CNOT6L: variants seen among roughly 807,000 people sequenced by gnomAD.
CNOT6L encodes the protein CCR4-NOT transcription complex subunit 6-like.
A neutral mutation model predicts 64.0 loss-of-function variants in CNOT6L; 7 were observed. The observed-to-expected ratio is 0.11, with a 90% CI of 0.06 to 0.21. The LOEUF (loss-of-function observed/expected upper bound fraction) is 0.21. CNOT6L is among the 10% of genes least tolerant of loss of function. The pLI is 1.00. For missense variants in CNOT6L, 245 were observed against 669.0 expected, an observed-to-expected ratio of 0.37 and a Z score of 6.99; for synonymous variants, 193 against 243.4, an observed-to-expected ratio of 0.79 and a Z score of 1.93.
rs1721091381 is a variant in CNOT6L, at chr4:77,719,746, A to G, written c.*685T>C. 1.3e-5 allele frequency: 2 copies of G among 152,654 alleles called. No individual in the cohort carries two copies. Among genetic ancestry groups the G allele is most frequent in the South Asian group, 4.1e-4 (2 of 4,836 alleles). 9.5% of individuals were successfully genotyped at this position (152,654 alleles called of 1,614,324 possible). A position where few individuals can be genotyped will look rare whatever the true frequency, so the allele number is the denominator to read the frequency against. ...ATACTTCCAATAAGGTTATATATAA[A>G]GGACAAAAAAACCAAAGTGATTCCT... On this transcript the variant is annotated 3_prime_UTR_variant, in exon 12 of 12. Transcript: ENST00000504123.
At chr4:77,728,376 G>A (rs946768456) in intron 10 of CNOT6L, among the ~76,000 whole-genome samples, 2 of 152,162 alleles carry the variant, frequency 1.3e-5, no homozygotes, top group African/African-American at 2.4e-5. Flanking sequence ...CTAGCTTTTG[G>A]TTGGATTTGA....
intron 9 of CNOT6L, among the ~76,000 whole-genome samples, chr4:77,730,125 G>A (rs548254873): frequency 6.6e-6 from 1 of 152,060 alleles, no homozygotes; most frequent in South Asian, 2.1e-4. Context: ...AGCTTTGGGG[G>A]AAAAGACCTA....
chr4:77,750,412 C>T (rs968459558), intron 5 of CNOT6L, among the ~76,000 whole-genome samples: 2 of 151,978 alleles, frequency 1.3e-5, no homozygotes, highest in South Asian at 2.1e-4. Context: ...AGTGCAGTGG[C>T]GCCATCTCAG....
intron 4 of CNOT6L, among the ~76,000 whole-genome samples, chr4:77,758,456 T>C (rs144663392): frequency 6.6e-6 from 1 of 152,248 alleles, no homozygotes; most frequent in Non-Finnish European, 1.5e-5. Flanking sequence ...GAATACTATA[T>C]GAAATTGGAG....
At position 77,717,983 on chromosome 4, in the gene CNOT6L, C is replaced by G. The variant is rs1720920545; in HGVS notation, c.*2448G>C. 1 of 152,442 alleles carries G rather than the reference C, an allele frequency of 6.6e-6. No individual in the cohort carries two copies. Among genetic ancestry groups the G allele is most frequent in the Admixed American group, 6.6e-5 (1 of 15,236 alleles). The allele number at this position is 152,442 out of a possible 1,614,324, so 9.4% of individuals were successfully genotyped here. ...AACCCAATTACACACCTTCCTGCAA[C>G]AGAGTGCCTCGATCATACACAAAAT... On this transcript the variant is annotated 3_prime_UTR_variant, in exon 12 of 12. Transcript: ENST00000504123.
chr4:77,814,888 G>A (rs1733387750), intron 1 of CNOT6L, among the ~76,000 whole-genome samples: 1 of 152,120 alleles, frequency 6.6e-6, no homozygotes, highest in East Asian at 1.9e-4. Context: ...TGTATTAGAG[G>A]TCCAGTGTCA....
At chr4:77,798,862 A>T (rs1731177462) in intron 1 of CNOT6L, among the ~76,000 whole-genome samples, 1 of 151,406 alleles carries the variant, frequency 6.6e-6, no homozygotes, top group Non-Finnish European at 1.5e-5. Context: ...TGCACCTGTG[A>T]TCCCAGCTAC....
rs1560564215 is a variant in CNOT6L, at chr4:77,715,100, T to TA, written c.*5330dup. 1 of 152,140 alleles carries TA rather than the reference T, an allele frequency of 6.6e-6. No homozygotes were observed. The highest frequency in any genetic ancestry group is 1.5e-5 in the Non-Finnish European group (1 of 68,002). 9.4% of individuals were successfully genotyped at this position (152,140 alleles called of 1,614,324 possible). A position where few individuals can be genotyped will look rare whatever the true frequency, so the allele number is the denominator to read the frequency against. On this transcript the variant is annotated 3_prime_UTR_variant, in exon 12 of 12. Transcript: ENST00000504123. ...GAGGGTTACCATGATTCTTACGCTT[T>TA]AGAGTTAAAAGTGACAGACATACAA... is the stretch of plus-strand genomic sequence containing the variant.
chr4:77,730,975 A>T (rs917314798), intron 9 of CNOT6L, among the ~76,000 whole-genome samples: 4 of 152,194 alleles, frequency 2.6e-5, no homozygotes, highest in African/African-American at 9.6e-5. Flanking sequence ...TGACTGAGAT[A>T]TAACAAAGAA....
In CNOT6L at chr4:77,728,870, G is replaced by A. The variant is rs1326016778; in HGVS notation, c.1236C>T (p.Asn412=). 6.2e-7 allele frequency: 1 copy of A among 1,613,310 alleles called. No individual in the cohort carries two copies. ...TATAAATACCTGAATCTGGCAATGA[G>A]TTAAGATCTGCACATAGCACCAGCG... ...SIPLVLCADL[N]SLPDSGVVEY... Residue 412 remains asparagine (N), a synonymous_variant, in exon 10 of 12, where the codon AAC becomes AAT. Coordinates refer to ENST00000504123, the MANE Select transcript of CNOT6L (RefSeq NM_144571.3).
chr4:77,748,887 T>C (rs1305013256), intron 5 of CNOT6L, among the ~76,000 whole-genome samples: 4 of 152,144 alleles, frequency 2.6e-5, no homozygotes, highest in African/African-American at 4.8e-5. Flanking sequence ...GAGATAAGGA[T>C]AGAACCACAT....
chr4:77,766,807 T>C (rs991384890), intron 4 of CNOT6L, among the ~76,000 whole-genome samples: 13 of 151,188 alleles, frequency 8.6e-5, no homozygotes, highest in Admixed American at 3.9e-4. Flanking sequence ...CTCATACCTG[T>C]AATCCCAGCA....
intron 1 of CNOT6L, among the ~76,000 whole-genome samples, chr4:77,799,571 G>C (rs1272078947): frequency 6.6e-6 from 1 of 152,140 alleles, no homozygotes; most frequent in South Asian, 2.1e-4. Flanking sequence ...TGGGCGTGGT[G>C]GTGGGCGCCT....
chr4:77,774,600 C>G lies in CNOT6L; in HGVS notation c.244G>C (p.Val82Leu). 1.2e-6 allele frequency: 2 copies of G among 1,613,650 alleles called. No homozygotes were observed. Among genetic ancestry groups the G allele is most frequent in the Non-Finnish European group, 1.7e-6 (2 of 1,179,714 alleles). Residue 82 changes from valine to leucine, a missense_variant, in exon 3 of 12, where the codon GTT (valine) becomes CTT (leucine). Physicochemically the swap from Val to Leu is conservative, Grantham distance 32. Transcript: ENST00000504123. ...PPDIAKLHNL[V>L]YLDLSSNKLR... ...TTATTGGATGACAGATCCAGGTAAA[C>G]CAGATTATGAAGCTTGGCAATATCA...
chr4:77,726,417 A>G (rs990254002), intron 10 of CNOT6L, 48 bp from the exon 11 acceptor site: 42 of 1,414,830 alleles, frequency 3.0e-5, no homozygotes, highest in Non-Finnish European at 4.1e-5. Context: ...TAGACCTTAC[A>G]CAAGGCTTCA....
At chr4:77,762,614 G>C (rs995661318) in intron 4 of CNOT6L, among the ~76,000 whole-genome samples, 15 of 152,058 alleles carry the variant, frequency 9.9e-5, no homozygotes, top group African/African-American at 3.6e-4. Context: ...AAACAAATTT[G>C]CCTTCATTTC....
chr4:77,721,720 C>T (rs1721297704), intron 11 of CNOT6L, among the ~76,000 whole-genome samples: 2 of 152,204 alleles, frequency 1.3e-5, no homozygotes, highest in African/African-American at 4.8e-5. Context: ...CTTGTAATCC[C>T]AGCCCTTTGG....
At chr4:77,817,504 T>G (rs1733707370) in intron 1 of CNOT6L, among the ~76,000 whole-genome samples, 4 of 152,216 alleles carry the variant, frequency 2.6e-5, no homozygotes. Context: ...ATGCCAAACA[T>G]ATGTTTTCTC....
chr4:77,755,447 C>T (rs1475975223), intron 5 of CNOT6L, among the ~76,000 whole-genome samples: 2 of 151,932 alleles, frequency 1.3e-5, no homozygotes, highest in Non-Finnish European at 2.9e-5. Context: ...GATCTCTTGA[C>T]CTCGTGATCT....
Sources: gnomAD v4.1 joint callset for allele counts (sites outside exome capture counted in the v4.1 genomes callset) on GRCh38, gnomAD v4.1.1 for gene constraint, MANE v1.5 for transcripts, NCBI Gene and HGNC (gene_info 2026-07-23, HGNC 2026-07-21) for gene names.